The following ASAP1 variants were observed in gnomAD, a reference collection of about 807,000 sequenced individuals.
ASAP1 encodes the protein arf-GAP with SH3 domain, ANK repeat and PH domain-containing protein 1.
ASAP1 carries 43 observed loss-of-function variants against 145.2 expected under a neutral mutation model. That is an observed-to-expected ratio of 0.30 (90% CI 0.23 to 0.38). The LOEUF (loss-of-function observed/expected upper bound fraction) is 0.38. Among genes scored for constraint, ASAP1 ranks in the 10% least tolerant of loss-of-function variants. The pLI is 1.00. For missense variants in ASAP1, 1,018 were observed against 1,355.3 expected (o/e 0.75, Z 3.91); for synonymous variants, 546 against 515.5 (o/e 1.06, Z -0.80).
At chr8:130,410,793 C>T (rs186126952) in intron 1 of ASAP1, among the ~76,000 whole-genome samples, 68 of 152,366 alleles carry the variant, frequency 4.5e-4, no homozygotes, top group Admixed American at 4.4e-3. Flanking sequence ...CATTCCAACA[C>T]GGGCTCTCCC....
At chr8:130,399,203 A>C (rs894797232) in intron 2 of ASAP1, among the ~76,000 whole-genome samples, 1 of 152,224 alleles carries the variant, frequency 6.6e-6, no homozygotes, top group Non-Finnish European at 1.5e-5. Flanking sequence ...ATAGAGGTTC[A>C]CATGGCAAAC....
chr8:130,429,113 G>A (rs2138765765), intron 1 of ASAP1, among the ~76,000 whole-genome samples: 1 of 152,240 alleles, frequency 6.6e-6, no homozygotes, highest in Non-Finnish European at 1.5e-5. Context: ...GTGCATATCT[G>A]CCTCTAGGTC....
At chr8:130,342,071 G>C (rs1251563517) in intron 3 of ASAP1, among the ~76,000 whole-genome samples, 2 of 152,158 alleles carry the variant, frequency 1.3e-5, no homozygotes, top group Non-Finnish European at 2.9e-5. Flanking sequence ...CCAAGAGTTA[G>C]CTGAAAGCAG....
At chr8:130,194,991 T>G (rs998161605) in intron 5 of ASAP1, 1 of 152,224 alleles carries the variant, frequency 6.6e-6, no homozygotes, top group African/African-American at 2.4e-5. Flanking sequence ...ACTTCCTGTA[T>G]GACCTTCATT....
Position 130,118,578 on chromosome 8 carries a change from C to T in ASAP1, c.1705G>A (p.Glu569Lys), listed in dbSNP as rs1212831384. ...AGTAAATCCCTGGATTTGATGGCCT[C>T]AAGCAATTCATTTAGTTTAGCTGAT... ...TSSAKLNELL[E>K]AIKSRDLLAL... is the part of the protein sequence containing the mutation. The change falls in exon 19 of 30, where the codon GAG (glutamate) becomes AAG (lysine). Residue 569 changes from glutamate to lysine, a missense_variant. Glu to Lys is a moderately conservative substitution (Grantham distance 56, BLOSUM62 1). This residue lies in a region of ASAP1 where 353 missense variants were observed against 375.4 expected (regional missense o/e 0.94). Transcript: ENST00000518721. The T allele has an allele frequency of 1.9e-6, 3 of 1,614,012 alleles. No homozygotes were observed. The highest frequency in any genetic ancestry group is 1.6e-4 in the Middle Eastern group (1 of 6,084).
At chr8:130,123,657 C>T (rs1021405079) in intron 18 of ASAP1, among the ~76,000 whole-genome samples, 7 of 152,136 alleles carry the variant, frequency 4.6e-5, no homozygotes, top group East Asian at 1.9e-4. Context: ...GATGGGGTCT[C>T]GCACTGTTGC....
In ASAP1 at chr8:130,072,814, T is replaced by C. The variant is rs1452175296; in HGVS notation, c.2701+3534A>G. Among the ~76,000 whole-genome samples, 9 of 27,970 alleles carry C rather than the reference T, an allele frequency of 3.2e-4. No individual in the cohort carries two copies. The South Asian group carries it at 0.012, about 37-fold the overall frequency. The allele number at this position is 27,970 out of a possible 152,430, so 18.3% of individuals were successfully genotyped here. ...TGATATGTGTGTGTGTGTGTGTGTG[T>C]GTGTGTGTGTGCGCGCGGGGGGGGG... On this transcript the variant is annotated intron_variant, in intron 27 of 29. Coordinates refer to ENST00000518721, the MANE Select transcript of ASAP1 (RefSeq NM_018482.4).
intron 3 of ASAP1, among the ~76,000 whole-genome samples, chr8:130,269,898 G>A (rs1252897279): frequency 6.6e-6 from 1 of 152,186 alleles, no homozygotes; most frequent in East Asian, 1.9e-4. Flanking sequence ...GGCCAGGCAT[G>A]GTGGCTCACA....
At chr8:130,160,049 C>T in intron 11 of ASAP1, 85 bp from the exon 12 acceptor site, 1 of 1,154,722 alleles carries the variant, frequency 8.7e-7, no homozygotes, top group Middle Eastern at 1.9e-4. Flanking sequence ...GCCTTTGGCA[C>T]TGGTCTGGGT....
chr8:130,261,720 G>C (rs973907248), intron 3 of ASAP1, among the ~76,000 whole-genome samples: 2 of 152,128 alleles, frequency 1.3e-5, no homozygotes, highest in Non-Finnish European at 2.9e-5. Flanking sequence ...ACAATCTTGA[G>C]AGTTCATGCA....
intron 2 of ASAP1, among the ~76,000 whole-genome samples, chr8:130,376,343 G>A (rs1404142216): frequency 6.6e-6 from 1 of 152,204 alleles, no homozygotes; most frequent in African/African-American, 2.4e-5. Context: ...TTCAGGCAAA[G>A]GCTATAGGAC....
chr8:130,250,322 G>A (rs975588679), intron 3 of ASAP1, among the ~76,000 whole-genome samples: 3 of 152,068 alleles, frequency 2.0e-5, no homozygotes, highest in Non-Finnish European at 2.9e-5. Context: ...ACTAGTAAAC[G>A]GAAAAATCAG....
chr8:130,089,389 A>G (rs891384340), intron 25 of ASAP1, among the ~76,000 whole-genome samples: 55 of 152,124 alleles, frequency 3.6e-4, no homozygotes, highest in African/African-American at 1.3e-3. Context: ...TTCTTTTACT[A>G]CCTGCTCGTG....
intron 2 of ASAP1, among the ~76,000 whole-genome samples, chr8:130,374,144 T>C (rs906650493): frequency 9.9e-5 from 15 of 151,726 alleles, no homozygotes; most frequent in African/African-American, 3.4e-4. Flanking sequence ...TTGCATGACA[T>C]TGGGCAAAAG....
chr8:130,322,438 A>G (rs752851270), intron 3 of ASAP1, among the ~76,000 whole-genome samples: 8 of 152,186 alleles, frequency 5.3e-5, no homozygotes, highest in Non-Finnish European at 8.8e-5. Flanking sequence ...GAGGTATTAC[A>G]TTGATCTTAT....
chr8:130,367,881 A>G (rs901403535), intron 2 of ASAP1, among the ~76,000 whole-genome samples: 5 of 152,232 alleles, frequency 3.3e-5, no homozygotes, highest in Non-Finnish European at 2.9e-5. Flanking sequence ...AACCCACATA[A>G]CAATGAGCTG....
intron 3 of ASAP1, among the ~76,000 whole-genome samples, chr8:130,289,652 T>C (rs1381748205): frequency 6.6e-6 from 1 of 152,196 alleles, no homozygotes; most frequent in African/African-American, 2.4e-5. Flanking sequence ...AAGGATGTTA[T>C]AAAGAGTGGT....
chr8:130,215,905 T>C (rs1192029638), intron 4 of ASAP1, among the ~76,000 whole-genome samples: 1 of 135,584 alleles, frequency 7.4e-6, no homozygotes, highest in Non-Finnish European at 1.5e-5. Context: ...GCCTGGGTGA[T>C]AGAATGAGAC....
At chr8:130,123,540 A>G (rs2097569877) in intron 18 of ASAP1, among the ~76,000 whole-genome samples, 1 of 152,238 alleles carries the variant, frequency 6.6e-6, no homozygotes, top group South Asian at 2.1e-4. Context: ...ACATTTCTAA[A>G]TACTTTTCTT....
Sources: allele counts gnomAD v4.1 joint callset (sites outside exome capture counted in the v4.1 genomes callset), GRCh38; gene constraint gnomAD v4.1.1; regional missense constraint gnomAD v4.1.1; transcripts MANE v1.5; gene names NCBI Gene and HGNC (gene_info 2026-07-23, HGNC 2026-07-21).